The following KAT2B variants were observed in gnomAD, a reference collection of about 807,000 sequenced individuals.
KAT2B encodes the protein histone acetyltransferase KAT2B.
A neutral mutation model predicts 105.9 loss-of-function variants in KAT2B; 36 were observed. The ratio of observed to expected loss-of-function variants is 0.34; its 90% CI spans 0.26 to 0.45. The LOEUF (loss-of-function observed/expected upper bound fraction) is 0.45. Among genes scored for constraint, KAT2B ranks in the 20% least tolerant of loss-of-function variants. The pLI, the probability that KAT2B is intolerant of heterozygous loss-of-function variation, is 1.00. For synonymous variants in KAT2B, 397 were observed against 377.9 expected (o/e 1.05, Z -0.59); for missense variants, 820 against 1,021.6 (o/e 0.80, Z 2.69).
At chr3:20,056,517 A>G (rs1386564695) in intron 1 of KAT2B, among the ~76,000 whole-genome samples, 2 of 152,230 alleles carry the variant, frequency 1.3e-5, no homozygotes, top group African/African-American at 4.8e-5. Context: ...AGAATCTGGG[A>G]CATTCTGAAT....
chr3:20,065,831 C>T (rs1345705741), intron 1 of KAT2B, among the ~76,000 whole-genome samples: 1 of 152,122 alleles, frequency 6.6e-6, no homozygotes, highest in Non-Finnish European at 1.5e-5. Flanking sequence ...CTGTTAGGGT[C>T]CATAGTGAAG....
At chr3:20,122,938 G>T (rs1406361278) in intron 9 of KAT2B, 134 bp downstream of exon 9, 2 of 1,383,602 alleles carry the variant, frequency 1.4e-6, no homozygotes, top group African/African-American at 2.9e-5. Context: ...TAACCTGGTG[G>T]TCAGTGTGGA....
rs57842862 is a variant in KAT2B, at chr3:20,083,475, C to T, written c.430+11016C>T. 1.3e-3 allele frequency among the ~76,000 whole-genome samples: 199 copies of T among 152,252 alleles called. 6 individuals are homozygous for T. The East Asian group carries it at 0.023, about 17-fold the overall frequency. The stretch of plus-strand genomic sequence containing the variant: ...AGCTTTGCAGTTAGAGTGAGGTTCA[C>T]CTGGGTGTTGACATGGGTTGGGATT... On this transcript the variant is annotated intron_variant, in intron 2 of 17. Transcript: ENST00000263754.
At chr3:20,128,486 GT>G (rs1410632090) in intron 11 of KAT2B, among the ~76,000 whole-genome samples, 1 of 133,000 alleles carries the variant, frequency 7.5e-6, no homozygotes, top group African/African-American at 2.7e-5. Context: ...GTGTCTTTTT[GT>G]TTTGTTTTGT....
At chr3:20,064,224 CTAA>C (rs749266924) in intron 1 of KAT2B, among the ~76,000 whole-genome samples, 1 of 152,058 alleles carries the variant, frequency 6.6e-6, no homozygotes, top group Non-Finnish European at 1.5e-5. Context: ...TAATTGACAC[CTAA>C]TAATTATACA....
chr3:20,088,397 CCTCACATTCTTGCCAA>C (rs1698657883), intron 2 of KAT2B, among the ~76,000 whole-genome samples: 1 of 152,096 alleles, frequency 6.6e-6, no homozygotes, highest in African/African-American at 2.4e-5. Flanking sequence ...GGTTCCTTGT[CCTCACATTCTTGCCAA>C]CACTCATCTT....
At position 20,137,018 on chromosome 3, in the gene KAT2B, CAG is replaced by C. The variant is rs760313273; in HGVS notation, c.1828_1829del (p.Asp610Ter). The C allele has an allele frequency of 6.2e-7, 1 of 1,601,258 alleles. No individual in the cohort carries two copies. Among genetic ancestry groups the C allele is most frequent in the Non-Finnish European group, 8.6e-7 (1 of 1,168,462 alleles). The stretch of plus-strand genomic sequence containing the variant: ...GACATCCTGAACTTCCTCACATATG[CAG>C]ATGAATATGCAATTGGATACTTTAA... On this transcript the variant is annotated frameshift_variant, in exon 12 of 18. Coordinates refer to ENST00000263754, the MANE Select transcript of KAT2B (RefSeq NM_003884.5). LOFTEE classifies it high-confidence loss of function.
At chr3:20,119,142 C>A (rs6807771) in intron 7 of KAT2B, among the ~76,000 whole-genome samples, 27,586 of 151,690 alleles carry the variant, frequency 0.18, 2,643 homozygotes, top group Middle Eastern at 0.23. Context: ...CCTTTTTAAT[C>A]AAAAAAATAC....
chr3:20,089,311 C>A (rs1187901528), intron 2 of KAT2B, among the ~76,000 whole-genome samples: 1 of 151,648 alleles, frequency 6.6e-6, no homozygotes, highest in Non-Finnish European at 1.5e-5. Flanking sequence ...CTGTAGATCA[C>A]TTTGGGTAAT....
At chr3:20,088,273 G>C (rs544516257) in intron 2 of KAT2B, among the ~76,000 whole-genome samples, 33 of 152,178 alleles carry the variant, frequency 2.2e-4, no homozygotes, top group Non-Finnish European at 4.3e-4. Context: ...ATATCCAGAA[G>C]TGGAATTGCT....
intron 1 of KAT2B, among the ~76,000 whole-genome samples, chr3:20,064,458 A>G (rs1698191524): frequency 6.6e-6 from 1 of 152,138 alleles, no homozygotes; most frequent in Non-Finnish European, 1.5e-5. Context: ...CCTCCTATCT[A>G]TATTTGGTTA....
intron 2 of KAT2B, among the ~76,000 whole-genome samples, chr3:20,086,821 T>TTGCAGGCTGGAGTGCAGTGG (rs1236906510): frequency 2.7e-3 from 137 of 51,236 alleles, no homozygotes; most frequent in African/African-American, 0.025. Context: ...AGATGGAGTC[T>TTGCAGGCTGGAGTGCAGTGG]CGCAGGCTGG....
chr3:20,127,949 G>T (rs1016647432), intron 11 of KAT2B, among the ~76,000 whole-genome samples: 1 of 152,190 alleles, frequency 6.6e-6, no homozygotes, highest in Admixed American at 6.5e-5. Flanking sequence ...ATGCTCACTT[G>T]CCTGCCACTC....
chr3:20,125,599 A>G (rs567493597), intron 9 of KAT2B, among the ~76,000 whole-genome samples: 2 of 152,358 alleles, frequency 1.3e-5, no homozygotes, highest in South Asian at 2.1e-4. Flanking sequence ...CACAACGTCT[A>G]AAATATTTTC....
At chr3:20,124,887 C>T (rs1056901841) in intron 9 of KAT2B, among the ~76,000 whole-genome samples, 3 of 152,140 alleles carry the variant, frequency 2.0e-5, no homozygotes, top group Admixed American at 6.6e-5. Context: ...GTTTGTGGAG[C>T]ATCTACTTGC....
intron 5 of KAT2B, among the ~76,000 whole-genome samples, chr3:20,110,714 G>C (rs891167801): frequency 1.3e-5 from 2 of 150,584 alleles, no homozygotes; most frequent in Non-Finnish European, 2.9e-5. Flanking sequence ...AAGAAAAAGA[G>C]GTTTATTTTT....
intron 12 of KAT2B, among the ~76,000 whole-genome samples, chr3:20,139,230 TAA>T (rs144316560): frequency 6.8e-4 from 104 of 152,230 alleles, no homozygotes; most frequent in Middle Eastern, 6.8e-3. Context: ...TCTTTTTTTT[TAA>T]AAATGTGTTC....
chr3:20,064,036 G>T (rs1698184511), intron 1 of KAT2B, among the ~76,000 whole-genome samples: 1 of 152,136 alleles, frequency 6.6e-6, no homozygotes, highest in Non-Finnish European at 1.5e-5. Flanking sequence ...TTATCTGTGA[G>T]GGTTTATTTC....
intron 1 of KAT2B, among the ~76,000 whole-genome samples, chr3:20,043,984 G>A (rs1365468296): frequency 6.6e-6 from 1 of 151,478 alleles, no homozygotes; most frequent in East Asian, 1.9e-4. Context: ...ATATAAATCT[G>A]GCCTTTAAAC....
Sources: gnomAD v4.1 joint callset for allele counts (sites outside exome capture counted in the v4.1 genomes callset) on GRCh38, gnomAD v4.1.1 for gene constraint, MANE v1.5 for transcripts, NCBI Gene and HGNC (gene_info 2026-07-23, HGNC 2026-07-21) for gene names.